The following AHCTF1 variants were observed in gnomAD, a reference collection of about 807,000 sequenced individuals.
The protein encoded by AHCTF1 is protein ELYS.
Under a neutral mutation model 248.4 loss-of-function variants are expected in AHCTF1, and 24 were observed. The observed-to-expected ratio is 0.10, with a 90% CI of 0.07 to 0.14. The LOEUF (loss-of-function observed/expected upper bound fraction) is 0.14. AHCTF1 is among the 10% of genes least tolerant of loss of function. AHCTF1 has a pLI of 1.00. For synonymous variants in AHCTF1, 786 were observed against 929.8 expected, an observed-to-expected ratio of 0.85 and a Z score of 2.81; for missense variants, 2,206 against 2,636.2, an observed-to-expected ratio of 0.84 and a Z score of 3.57.
At chr1:246,922,865 C>T (rs1218016691) in intron 1 of AHCTF1, among the ~76,000 whole-genome samples, 3 of 150,938 alleles carry the variant, frequency 2.0e-5, no homozygotes, top group East Asian at 2.0e-4. Context: ...CGCCTGTAGT[C>T]CCAGCTACTC....
At chr1:246,900,821 G>T (rs966345336) in intron 8 of AHCTF1, among the ~76,000 whole-genome samples, 1 of 152,196 alleles carries the variant, frequency 6.6e-6, no homozygotes, top group African/African-American at 2.4e-5. Flanking sequence ...TACTAGAGAA[G>T]TTAATTCACT....
intron 24 of AHCTF1, among the ~76,000 whole-genome samples, chr1:246,872,644 C>T (rs142720037): frequency 1.3e-5 from 2 of 152,274 alleles, no homozygotes; most frequent in East Asian, 1.9e-4. Context: ...ATAAGGATCA[C>T]GCTAGCCAAA....
At chr1:246,848,467 C>G (rs1660449455) in intron 33 of AHCTF1, among the ~76,000 whole-genome samples, 1 of 151,866 alleles carries the variant, frequency 6.6e-6, no homozygotes, top group Non-Finnish European at 1.5e-5. Flanking sequence ...TCCCAAAGTG[C>G]TGGGATTACA....
At chr1:246,877,906 T>C (rs1663092474) in intron 21 of AHCTF1, among the ~76,000 whole-genome samples, 1 of 152,108 alleles carries the variant, frequency 6.6e-6, no homozygotes, top group African/African-American at 2.4e-5. Context: ...GGAGAATTTT[T>C]TTACTGTTAT....
At chr1:246,896,778 G>C (rs147459267) in intron 12 of AHCTF1, among the ~76,000 whole-genome samples, 1 of 152,098 alleles carries the variant, frequency 6.6e-6, no homozygotes, top group Non-Finnish European at 1.5e-5. Flanking sequence ...AATATCACAG[G>C]AACCTATTAA....
chr1:246,863,276 CAG>C, intron 27 of AHCTF1, among the ~76,000 whole-genome samples: 1 of 151,206 alleles, frequency 6.6e-6, no homozygotes, highest in African/African-American at 2.4e-5. Context: ...GATATCCAAA[CAG>C]AGAACCCAGG....
chr1:246,882,273 A>C (rs1470468968), intron 21 of AHCTF1, among the ~76,000 whole-genome samples: 1 of 152,188 alleles, frequency 6.6e-6, no homozygotes, highest in East Asian at 1.9e-4. Context: ...CTGGGATTAC[A>C]GGCATGAGCC....
intron 24 of AHCTF1, among the ~76,000 whole-genome samples, chr1:246,871,697 T>C (rs1662599423): frequency 6.6e-6 from 1 of 152,144 alleles, no homozygotes; most frequent in Non-Finnish European, 1.5e-5. Flanking sequence ...CTGTAATCCA[T>C]GCCTACAGTG....
chr1:246,894,703 G>A lies in AHCTF1; in HGVS notation c.1760C>T (p.Thr587Met), dbSNP rs141831225. Residue 587 changes from threonine (T) to methionine (M), a missense_variant, in exon 14 of 36, where the codon ACG becomes ATG. By Grantham distance (81) the Thr-to-Met change is moderately conservative. Transcript: ENST00000648844. Reference sequence around the variant, plus strand: ...TTTTGTGAGAACCACTTTATTCCACGTCCATTCAAGAACAAAGCGCAAATT... The same window carrying A: ...TTTTGTGAGAACCACTTTATTCCACATCCATTCAAGAACAAAGCGCAAATT... ...ATNLRFVLEW[T>M]WNKVVLTKEE... 1.4e-4 allele frequency: 230 copies of A among 1,613,478 alleles called. 1 individual carries two copies. The highest frequency in any genetic ancestry group is 7.2e-4 in the Admixed American group (43 of 60,000).
intron 1 of AHCTF1, among the ~76,000 whole-genome samples, chr1:246,926,770 C>T (rs541444798): frequency 6.6e-6 from 1 of 152,154 alleles, no homozygotes; most frequent in South Asian, 2.1e-4. Flanking sequence ...GCAGGAGAAT[C>T]ACTTGAACCC....
chr1:246,876,076 T>C lies in AHCTF1; in HGVS notation c.3049A>G (p.Lys1017Glu). The change falls in exon 24 of 36, where the codon AAG becomes GAG. Residue 1017 changes from lysine (K) to glutamate (E), a missense_variant. By Grantham distance (56) the Lys-to-Glu change is moderately conservative. This residue lies in a region of AHCTF1 where 955 missense variants were observed against 1,055.6 expected (regional missense o/e 0.90). Transcript: ENST00000648844. ...VHRKLAIERAKPYHLSTSSVF... is the reference protein window; with the variant it reads ...VHRKLAIERAEPYHLSTSSVF... ...GATGATGTTGACAGATGATAAGGCT[T>C]AGCTCGTTCAATGGCTAATTTTCGA... The C allele has an allele frequency of 1.9e-6, 3 of 1,609,078 alleles. No individual in the cohort carries two copies. Among genetic ancestry groups the C allele is most frequent in the Non-Finnish European group, 2.5e-6 (3 of 1,178,100 alleles).
chr1:246,875,233 CT>C (rs1387279566), intron 24 of AHCTF1, among the ~76,000 whole-genome samples: 2 of 152,118 alleles, frequency 1.3e-5, no homozygotes, highest in African/African-American at 4.8e-5. Context: ...CTCCTGTCAC[CT>C]TCCCTCAGCT....
intron 14 of AHCTF1, among the ~76,000 whole-genome samples, chr1:246,892,687 A>C (rs1000923809): frequency 6.6e-6 from 1 of 152,046 alleles, no homozygotes; most frequent in Non-Finnish European, 1.5e-5. Flanking sequence ...GCTGGAGTGC[A>C]ATGGTACGAT....
intron 1 of AHCTF1, among the ~76,000 whole-genome samples, chr1:246,925,392 T>C (rs1157096888): frequency 1.3e-5 from 2 of 152,204 alleles, no homozygotes; most frequent in African/African-American, 2.4e-5. Flanking sequence ...TGGGTGAGTT[T>C]TGTTATGTTG....
chr1:246,862,783 G>A (rs1661666718), intron 27 of AHCTF1, among the ~76,000 whole-genome samples: 3 of 152,132 alleles, frequency 2.0e-5, no homozygotes. Flanking sequence ...CAGTAAGACT[G>A]ACTGTAGTGT....
At chr1:246,914,750 C>T (rs1230893630) in intron 3 of AHCTF1, among the ~76,000 whole-genome samples, 1 of 152,112 alleles carries the variant, frequency 6.6e-6, no homozygotes, top group Non-Finnish European at 1.5e-5. Context: ...CCATCTTTTC[C>T]TTATTCTATA....
At chr1:246,913,119 A>C in intron 4 of AHCTF1, 113 bp downstream of exon 4, 3 of 822,088 alleles carry the variant, frequency 3.6e-6, no homozygotes, top group Non-Finnish European at 5.4e-6. Context: ...TATAGATAGG[A>C]AGATATCTTT....
intron 9 of AHCTF1, 37 bp from the exon 10 acceptor site, chr1:246,900,283 C>A: frequency 1.3e-6 from 2 of 1,584,634 alleles, no homozygotes; most frequent in South Asian, 2.4e-5. Context: ...AGTCATTGGT[C>A]AGCTACACAT....
intron 20 of AHCTF1, among the ~76,000 whole-genome samples, chr1:246,886,582 C>G (rs1663833966): frequency 6.6e-6 from 1 of 152,004 alleles, no homozygotes. Flanking sequence ...ATGTTCAGTA[C>G]AGACCCAATT....
Sources: allele counts gnomAD v4.1 joint callset (sites outside exome capture counted in the v4.1 genomes callset), GRCh38; gene constraint gnomAD v4.1.1; regional missense constraint gnomAD v4.1.1; transcripts MANE v1.5; gene names NCBI Gene and HGNC (gene_info 2026-07-23, HGNC 2026-07-21).